CTBP2: variants seen among roughly 807,000 people sequenced by gnomAD.
CTBP2 encodes C-terminal-binding protein 2.
Under a neutral mutation model 80.3 loss-of-function variants are expected in CTBP2, and 30 were observed. The ratio of observed to expected loss-of-function variants is 0.37; its 90% confidence interval spans 0.28 to 0.51. The LOEUF (loss-of-function observed/expected upper bound fraction) is 0.51. Among genes scored for constraint, CTBP2 ranks in the 20% least tolerant of loss-of-function variants. The pLI is 0.93. For missense variants in CTBP2, 1,212 were observed against 1,375.3 expected (o/e 0.88, Z 1.88); for synonymous variants, 594 against 587.4 (o/e 1.01, Z -0.16).
intron 2 of CTBP2, among the ~76,000 whole-genome samples, chr10:125,050,096 C>G (rs1054152632): frequency 6.6e-6 from 1 of 152,196 alleles, no homozygotes; most frequent in South Asian, 2.1e-4. Context: ...TCCAGGAGAG[C>G]CAACTCAGAC....
At chr10:125,067,839 C>T (rs998523542) in intron 2 of CTBP2, among the ~76,000 whole-genome samples, 2 of 152,196 alleles carry the variant, frequency 1.3e-5, no homozygotes, top group Admixed American at 6.5e-5. Flanking sequence ...CCCTGACCCG[C>T]GTCATTCTGT....
chr10:125,016,587 A>G (rs1004986484), intron 1 of CTBP2, among the ~76,000 whole-genome samples: 4 of 152,240 alleles, frequency 2.6e-5, no homozygotes, highest in African/African-American at 9.6e-5. Context: ...GAGAGGGAGA[A>G]GCCTCATGCT....
At position 124,987,913 on chromosome 10, in the gene CTBP2, AT is replaced by A. The variant is rs2134028569; in HGVS notation, c.*1604del. 1 of 152,572 alleles carries A rather than the reference AT, an allele frequency of 6.6e-6. No homozygotes were observed. The highest frequency in any genetic ancestry group is 2.4e-5 in the African/African-American group (1 of 41,594). The allele number at this position is 152,572 out of a possible 1,614,324, so 9.5% of individuals were successfully genotyped here. A position where few individuals can be genotyped will look rare whatever the true frequency, so the allele number is the denominator to read the frequency against. ...ATCCATTAAATCAAGCTCTTAACTC[AT>A]GGGACTATTTGCAACACTTCTTTGT... On this transcript the variant is annotated 3_prime_UTR_variant, in exon 9 of 9. Transcript: ENST00000309035.
intron 1 of CTBP2, among the ~76,000 whole-genome samples, chr10:125,024,024 C>T (rs1161863622): frequency 6.6e-6 from 1 of 152,290 alleles, no homozygotes; most frequent in Non-Finnish European, 1.5e-5. Flanking sequence ...TCCAGATGGC[C>T]GCGTCCTGGA....
intron 2 of CTBP2, among the ~76,000 whole-genome samples, chr10:125,083,194 T>A (rs541050616): frequency 6.4e-4 from 98 of 152,328 alleles, no homozygotes; most frequent in African/African-American, 2.2e-3. Flanking sequence ...CAAGTTTACA[T>A]CTGACACCAA....
chr10:125,160,224 G>A (rs1170208863), intron 1 of CTBP2, 95 bp downstream of exon 1: 2 of 151,916 alleles, frequency 1.3e-5, no homozygotes, highest in African/African-American at 4.9e-5. Flanking sequence ...CTCCCTGAGT[G>A]GCGCAGTGAG....
intron 2 of CTBP2, among the ~76,000 whole-genome samples, chr10:125,083,792 GT>G (rs1177800560): frequency 6.6e-6 from 1 of 151,934 alleles, no homozygotes; most frequent in Non-Finnish European, 1.5e-5. Flanking sequence ...TTTTTGTTTT[GT>G]TTTTTTGAGA....
Position 125,027,019 on chromosome 10 carries a change from C to T in CTBP2, c.741G>A (p.Gly247=). The change falls in exon 1 of 9, where the codon GGG becomes GGA. Residue 247 remains glycine (G), a synonymous_variant. Coordinates refer to ENST00000309035, the MANE Select transcript of CTBP2 (RefSeq NM_022802.3). ...CACGATTCAGGGCCCCTGGGGCCAC[C>T]CCTGTGCTGCCTTCGGGGGCAGCAG... 6.2e-7 allele frequency: 1 copy of T among 1,613,940 alleles called. No homozygotes were observed. The highest frequency in any genetic ancestry group is 1.3e-5 in the African/African-American group (1 of 75,058).
At chr10:125,120,774 C>T (rs1020627527) in intron 1 of CTBP2, among the ~76,000 whole-genome samples, 2 of 152,190 alleles carry the variant, frequency 1.3e-5, no homozygotes, top group African/African-American at 4.8e-5. Context: ...ACCTCTCGGG[C>T]TCAAGTATTC....
intron 2 of CTBP2, among the ~76,000 whole-genome samples, chr10:125,098,770 G>GAGAC (rs1850142956): frequency 3.4e-5 from 5 of 147,698 alleles, no homozygotes; most frequent in South Asian, 2.1e-4. Flanking sequence ...GAGAGAGAGA[G>GAGAC]AGAGAGAGAC....
In CTBP2 at chr10:124,985,901, C is replaced by T. The variant is rs957518769; in HGVS notation, c.*3617G>A. 8.6e-6 allele frequency: 1 copy of T among 115,964 alleles called. No individual in the cohort carries two copies. The highest frequency in any genetic ancestry group is 8.8e-5 in the Admixed American group (1 of 11,304). 7.2% of individuals were successfully genotyped at this position (115,964 alleles called of 1,614,324 possible). On this transcript the variant is annotated 3_prime_UTR_variant, in exon 9 of 9. Transcript: ENST00000309035. ...CCAGAGGGTCTTCGGATTCTTCCTTCTATCACCTCTGCTCTAAGCAAATCT... is the reference window on the plus strand; with the variant it reads ...CCAGAGGGTCTTCGGATTCTTCCTTTTATCACCTCTGCTCTAAGCAAATCT...
In CTBP2 at chr10:124,988,451, A is replaced by ATTTT. The variant is rs1455782241; in HGVS notation, c.*1063_*1066dup. The stretch of plus-strand genomic sequence containing the variant: ...ACAAAACATACTTCTGATAGCCATT[A>ATTTT]TTTTTCTGTTTGGGACAATTTTAAA... On this transcript the variant is annotated 3_prime_UTR_variant, in exon 9 of 9. Coordinates refer to ENST00000309035, the MANE Select transcript of CTBP2 (RefSeq NM_022802.3). 6.6e-6 allele frequency: 1 copy of ATTTT among 152,594 alleles called. No homozygotes were observed. The highest frequency in any genetic ancestry group is 1.5e-5 in the Non-Finnish European group (1 of 68,022). 9.5% of individuals were successfully genotyped at this position (152,594 alleles called of 1,614,324 possible).
At chr10:125,112,430 GTTTT>G (rs59714965) in intron 1 of CTBP2, among the ~76,000 whole-genome samples, 2 of 92,346 alleles carry the variant, frequency 2.2e-5, no homozygotes. Flanking sequence ...TACCTTTTTC[GTTTT>G]TTTTTTTTTT....
chr10:125,038,098 G>A (rs1959068103), intron 3 of CTBP2, among the ~76,000 whole-genome samples: 1 of 152,204 alleles, frequency 6.6e-6, no homozygotes, highest in Non-Finnish European at 1.5e-5. Context: ...AGGCCATGGA[G>A]TCACTCAGCA....
intron 2 of CTBP2, among the ~76,000 whole-genome samples, chr10:125,063,367 G>C (rs1464305122): frequency 6.6e-6 from 1 of 152,140 alleles, no homozygotes; most frequent in African/African-American, 2.4e-5. Flanking sequence ...CACGTCATGA[G>C]GCCTGTGGCA....
At chr10:125,136,234 G>A (rs1256833216) in intron 1 of CTBP2, among the ~76,000 whole-genome samples, 2 of 152,294 alleles carry the variant, frequency 1.3e-5, no homozygotes, top group African/African-American at 4.8e-5. Context: ...CTGGGAGGGA[G>A]GCCCAGGCTG....
chr10:125,151,896 A>G (rs1859978867), intron 1 of CTBP2, among the ~76,000 whole-genome samples: 1 of 152,082 alleles, frequency 6.6e-6, no homozygotes. Flanking sequence ...CAGCGGGAGG[A>G]AGGAGGAAGT....
chr10:125,079,275 G>A (rs761924942), intron 2 of CTBP2, among the ~76,000 whole-genome samples: 29 of 152,040 alleles, frequency 1.9e-4, no homozygotes, highest in Admixed American at 1.0e-3. Context: ...TAAAGTACAC[G>A]GAGGACACAG....
At chr10:125,145,075 T>C (rs1266326583) in intron 1 of CTBP2, among the ~76,000 whole-genome samples, 1 of 152,246 alleles carries the variant, frequency 6.6e-6, no homozygotes, top group East Asian at 1.9e-4. Flanking sequence ...TATTCCAAGT[T>C]TCAAATAATT....
Sources: allele counts gnomAD v4.1 joint callset (sites outside exome capture counted in the v4.1 genomes callset), GRCh38; gene constraint gnomAD v4.1.1; transcripts MANE v1.5; gene names NCBI Gene and HGNC (gene_info 2026-07-23, HGNC 2026-07-21).